TENM3: variants seen among roughly 807,000 people sequenced by gnomAD.
The protein encoded by TENM3 is teneurin-3.
A neutral mutation model predicts 255.1 loss-of-function variants in TENM3; 63 were observed. That is an observed-to-expected ratio of 0.25 (90% confidence interval 0.20 to 0.30). TENM3 has a LOEUF of 0.30. Ranked by LOEUF, TENM3 falls within the 10% of genes least tolerant of loss-of-function variation. The probability of loss-of-function intolerance (pLI) is 1.00; values close to 1 mark genes in which losing one functional copy is unlikely to be tolerated. For synonymous variants in TENM3, 1,306 were observed against 1,322.3 expected, an observed-to-expected ratio of 0.99 and a Z score of 0.27; for missense variants, 2,929 against 3,461.1, an observed-to-expected ratio of 0.85 and a Z score of 3.86.
chr4:181,896,844 C>A, the TENM3 span, among the ~76,000 whole-genome samples: 3 of 152,178 alleles, frequency 2.0e-5, no homozygotes, highest in Non-Finnish European at 4.4e-5. Context: ...CTGATTAATT[C>A]CAGGAGGCCT....
intron 12 of TENM3, among the ~76,000 whole-genome samples, chr4:182,710,954 A>G (rs978352122): frequency 1.3e-5 from 2 of 152,186 alleles, no homozygotes; most frequent in Non-Finnish European, 2.9e-5. Context: ...ACCTTTTGTG[A>G]GAAAAAGAGC....
intron 1 of TENM3, among the ~76,000 whole-genome samples, chr4:182,293,981 TGGGAGGTTGG>T (rs1761294992): frequency 6.6e-6 from 1 of 152,126 alleles, no homozygotes; most frequent in Non-Finnish European, 1.5e-5. Context: ...AGATATATTT[TGGGAGGTTGG>T]GTCTTTCCTG....
chr4:181,516,826 G>A, the TENM3 span, among the ~76,000 whole-genome samples: 1 of 151,842 alleles, frequency 6.6e-6, no homozygotes, highest in Non-Finnish European at 1.5e-5. Flanking sequence ...TATGTGCCAG[G>A]TTGTATCCTA....
At chr4:182,320,252 C>T (rs147978839) in intron 1 of TENM3, among the ~76,000 whole-genome samples, 3,369 of 152,286 alleles carry the variant, frequency 0.022, 54 homozygotes, top group Non-Finnish European at 0.031. Flanking sequence ...CCTGTGGCTG[C>T]AGTGAGAAAT....
the TENM3 span, among the ~76,000 whole-genome samples, chr4:182,017,660 G>A: frequency 1.3e-5 from 2 of 152,126 alleles, no homozygotes; most frequent in African/African-American, 4.8e-5. Flanking sequence ...ATAAAATAAT[G>A]ATACAGGCTT....
At chr4:182,404,455 C>T (rs1019839676) in intron 3 of TENM3, among the ~76,000 whole-genome samples, 2 of 152,110 alleles carry the variant, frequency 1.3e-5, no homozygotes, top group Non-Finnish European at 2.9e-5. Context: ...TAAAGCTTGC[C>T]AGAATTTGAA....
the TENM3 span, among the ~76,000 whole-genome samples, chr4:181,826,448 T>C: frequency 6.6e-6 from 1 of 152,194 alleles, no homozygotes; most frequent in South Asian, 2.1e-4. Context: ...AGTTTCTGGA[T>C]TGACAGCTCC....
intron 6 of TENM3, among the ~76,000 whole-genome samples, chr4:182,654,246 C>A (rs182962417): frequency 1.3e-5 from 2 of 152,018 alleles, no homozygotes; most frequent in Non-Finnish European, 2.9e-5. Flanking sequence ...ATTCAACTTG[C>A]GTGTGGAGTT....
the TENM3 span, among the ~76,000 whole-genome samples, chr4:181,747,451 A>G: frequency 1.3e-5 from 2 of 152,086 alleles, no homozygotes; most frequent in African/African-American, 4.8e-5. Context: ...CCTAGTGGTA[A>G]CATCTGCAAA....
intron 3 of TENM3, among the ~76,000 whole-genome samples, chr4:182,385,516 C>T (rs897579913): frequency 4.6e-5 from 7 of 152,128 alleles, no homozygotes; most frequent in Admixed American, 6.5e-5. Flanking sequence ...CCACCTGCCT[C>T]GGCCTCCCAA....
chr4:181,834,089 G>A, the TENM3 span, among the ~76,000 whole-genome samples: 1,728 of 149,420 alleles, frequency 0.012, 43 homozygotes, highest in African/African-American at 0.04. Flanking sequence ...AGGAAAATGA[G>A]ACTTACGAGA....
chr4:182,333,481 C>T (rs1280604456), intron 2 of TENM3, among the ~76,000 whole-genome samples: 1 of 152,014 alleles, frequency 6.6e-6, no homozygotes, highest in Non-Finnish European at 1.5e-5. Context: ...AAGGGGAAAA[C>T]CATGATCTTA....
intron 3 of TENM3, among the ~76,000 whole-genome samples, chr4:182,461,658 T>C (rs1732004883): frequency 6.6e-6 from 1 of 152,210 alleles, no homozygotes; most frequent in Non-Finnish European, 1.5e-5. Flanking sequence ...CTTCCTACTA[T>C]TACTTTCAAT....
the TENM3 span, among the ~76,000 whole-genome samples, chr4:181,598,873 C>A: frequency 6.6e-6 from 1 of 151,934 alleles, no homozygotes; most frequent in Admixed American, 6.6e-5. Context: ...TTTTTAAACA[C>A]GCAGGTTTTT....
chr4:181,458,235 T>A, the TENM3 span, among the ~76,000 whole-genome samples: 12 of 152,074 alleles, frequency 7.9e-5, no homozygotes, highest in African/African-American at 2.6e-4. Flanking sequence ...AAGTACTATG[T>A]CTTAAATTGT....
chr4:182,776,628 T>C (rs957813941), intron 24 of TENM3, among the ~76,000 whole-genome samples: 4 of 152,072 alleles, frequency 2.6e-5, no homozygotes, highest in African/African-American at 9.7e-5. Flanking sequence ...TATAAGTAAG[T>C]GTGCACTTTT....
the TENM3 span, among the ~76,000 whole-genome samples, chr4:181,988,994 T>C: frequency 1.3e-5 from 2 of 152,128 alleles, no homozygotes; most frequent in Non-Finnish European, 2.9e-5. Flanking sequence ...CCTTACCCTC[T>C]TTTATAAGCT....
chr4:181,750,972 A>G, the TENM3 span, among the ~76,000 whole-genome samples: 6 of 151,636 alleles, frequency 4.0e-5, no homozygotes. Context: ...CTGCTTCTAC[A>G]GAGAGACCCC....
chr4:181,525,929 T>C, the TENM3 span, among the ~76,000 whole-genome samples: 1 of 115,254 alleles, frequency 8.7e-6, no homozygotes, highest in Non-Finnish European at 2.1e-5. Context: ...CCTGGGCTGA[T>C]TTTTTTCCAG....
Sources: allele counts gnomAD v4.1 joint callset (sites outside exome capture counted in the v4.1 genomes callset), GRCh38; gene constraint gnomAD v4.1.1; transcripts MANE v1.5; gene names NCBI Gene and HGNC (gene_info 2026-07-23, HGNC 2026-07-21).